The following LRP1B variants were observed in gnomAD, a reference collection of about 807,000 sequenced individuals.
LRP1B encodes the protein low-density lipoprotein receptor-related protein 1B.
In LRP1B, 217 loss-of-function variants were observed where a neutral mutation model predicts 556.6. The ratio of observed to expected loss-of-function variants is 0.39; its 90% CI spans 0.35 to 0.44. The LOEUF (loss-of-function observed/expected upper bound fraction) is 0.44. Among genes scored for constraint, LRP1B ranks in the 20% least tolerant of loss-of-function variants. The pLI is 1.00. For missense variants in LRP1B, 5,053 were observed against 5,620.8 expected, an observed-to-expected ratio of 0.90 and a Z score of 3.23; for synonymous variants, 2,047 against 1,865.8, an observed-to-expected ratio of 1.10 and a Z score of -2.50.
intron 2 of LRP1B, among the ~76,000 whole-genome samples, chr2:141,664,133 A>G (rs916781170): frequency 1.3e-5 from 2 of 152,220 alleles, no homozygotes; most frequent in Non-Finnish European, 2.9e-5. Context: ...ACTCAAGACT[A>G]AAACCACGTA....
At chr2:142,112,241 A>G (rs906596370) in intron 1 of LRP1B, among the ~76,000 whole-genome samples, 9 of 152,112 alleles carry the variant, frequency 5.9e-5, no homozygotes, top group Admixed American at 5.9e-4. Flanking sequence ...GGACAAAGAT[A>G]GATAAAATAA....
intron 1 of LRP1B, among the ~76,000 whole-genome samples, chr2:141,820,408 C>G (rs115648331): frequency 1.2e-3 from 190 of 152,038 alleles, no homozygotes; most frequent in African/African-American, 4.4e-3. Flanking sequence ...AGGACAGTTC[C>G]GTTTTGCAAA....
intron 43 of LRP1B, among the ~76,000 whole-genome samples, chr2:140,588,950 GA>G (rs1682105533): frequency 1.4e-5 from 2 of 140,728 alleles, no homozygotes; most frequent in African/African-American, 5.4e-5. Flanking sequence ...GCAACAGAAC[GA>G]GACTCCGTCT....
At chr2:141,865,041 A>T (rs988186290) in intron 1 of LRP1B, among the ~76,000 whole-genome samples, 1 of 152,208 alleles carries the variant, frequency 6.6e-6, no homozygotes, top group African/African-American at 2.4e-5. Context: ...GATTATTAGA[A>T]CAGTGCAGAA....
intron 1 of LRP1B, among the ~76,000 whole-genome samples, chr2:141,821,028 A>G (rs946926112): frequency 1.3e-5 from 2 of 152,220 alleles, no homozygotes; most frequent in African/African-American, 2.4e-5. Flanking sequence ...TCAGAGAGCA[A>G]AGAAGTAGAT....
At chr2:140,627,894 A>G (rs1683726022) in intron 41 of LRP1B, among the ~76,000 whole-genome samples, 1 of 152,224 alleles carries the variant, frequency 6.6e-6, no homozygotes. Flanking sequence ...ATAGAACGAA[A>G]AAAACTTTGA....
chr2:140,707,127 C>T (rs1042401680), intron 37 of LRP1B, among the ~76,000 whole-genome samples: 8 of 152,150 alleles, frequency 5.3e-5, no homozygotes, highest in African/African-American at 1.9e-4. Flanking sequence ...AACTGTTTCC[C>T]TAGAGCTCGA....
intron 84 of LRP1B, among the ~76,000 whole-genome samples, chr2:140,288,479 C>T (rs1409011708): frequency 2.0e-5 from 3 of 151,780 alleles, no homozygotes; most frequent in Non-Finnish European, 2.9e-5. Context: ...TTAAAAGTTA[C>T]TCTTAAATTT....
intron 2 of LRP1B, among the ~76,000 whole-genome samples, chr2:141,624,048 G>T (rs201045224): frequency 8.7e-5 from 5 of 57,614 alleles, no homozygotes; most frequent in Admixed American, 3.7e-4. Flanking sequence ...AAAAAAAAAA[G>T]AAAAGAAAAA....
At chr2:141,816,486 T>TA (rs1696552722) in intron 1 of LRP1B, among the ~76,000 whole-genome samples, 1 of 152,146 alleles carries the variant, frequency 6.6e-6, no homozygotes, top group Admixed American at 6.5e-5. Context: ...CTTTTGGACT[T>TA]ACACCAGTGA....
At chr2:142,037,149 A>C (rs11677303) in intron 1 of LRP1B, among the ~76,000 whole-genome samples, 1 of 151,362 alleles carries the variant, frequency 6.6e-6, no homozygotes, top group Non-Finnish European at 1.5e-5. Flanking sequence ...AAAAACCCCA[A>C]GGCTATTGTG....
chr2:142,010,149 A>G, intron 1 of LRP1B, among the ~76,000 whole-genome samples: 1 of 152,000 alleles, frequency 6.6e-6, no homozygotes, highest in Non-Finnish European at 1.5e-5. Flanking sequence ...ACTGAGGGGG[A>G]GGGTTTACTA....
intron 7 of LRP1B, among the ~76,000 whole-genome samples, chr2:141,095,536 T>C (rs770989433): frequency 1.4e-4 from 21 of 151,768 alleles, no homozygotes; most frequent in Non-Finnish European, 2.7e-4. Flanking sequence ...GCTTGTGGTA[T>C]GCTTTCACTA....
At chr2:140,629,727 C>A (rs1683810272) in intron 41 of LRP1B, among the ~76,000 whole-genome samples, 1 of 152,122 alleles carries the variant, frequency 6.6e-6, no homozygotes, top group African/African-American at 2.4e-5. Flanking sequence ...TCCTATCATA[C>A]AAAGACACAC....
At chr2:140,832,992 T>G (rs1015587333) in intron 31 of LRP1B, among the ~76,000 whole-genome samples, 1 of 152,174 alleles carries the variant, frequency 6.6e-6, no homozygotes, top group African/African-American at 2.4e-5. Context: ...TCACAGGCAT[T>G]CCACACCATG....
At chr2:141,415,511 T>C (rs1691065866) in intron 3 of LRP1B, among the ~76,000 whole-genome samples, 1 of 152,212 alleles carries the variant, frequency 6.6e-6, no homozygotes, top group African/African-American at 2.4e-5. Context: ...TACAGATCTA[T>C]AATGGTGGTA....
chr2:141,085,624 G>A (rs560423313), intron 7 of LRP1B, among the ~76,000 whole-genome samples: 17 of 152,228 alleles, frequency 1.1e-4, no homozygotes, highest in South Asian at 2.1e-4. Flanking sequence ...CTTCAGAACC[G>A]TGACAAAACG....
intron 1 of LRP1B, among the ~76,000 whole-genome samples, chr2:142,009,781 T>C: frequency 6.6e-6 from 1 of 152,258 alleles, no homozygotes; most frequent in South Asian, 2.1e-4. Context: ...TTTATATACA[T>C]GTATACTTCT....
intron 2 of LRP1B, among the ~76,000 whole-genome samples, chr2:141,553,824 T>C (rs1685849118): frequency 7.2e-6 from 1 of 138,712 alleles, no homozygotes; most frequent in African/African-American, 2.6e-5. Context: ...TTAATAGATA[T>C]AGGTATATAA....
Sources: allele counts gnomAD v4.1 joint callset (sites outside exome capture counted in the v4.1 genomes callset), GRCh38; gene constraint gnomAD v4.1.1; transcripts MANE v1.5; gene names NCBI Gene and HGNC (gene_info 2026-07-23, HGNC 2026-07-21).